Variants in NRXN3 observed in about 807,000 individuals in gnomAD.
NRXN3 encodes neurexin 3.
NRXN3 carries 32 observed loss-of-function variants against 137.6 expected under a neutral mutation model. The ratio of observed to expected loss-of-function variants is 0.23; its 90% CI spans 0.18 to 0.31. The LOEUF is 0.31. Ranked by LOEUF, NRXN3 falls within the 10% of genes least tolerant of loss-of-function variation. The pLI is 1.00. For synonymous variants in NRXN3, 798 were observed against 784.5 expected, an observed-to-expected ratio of 1.02 and a Z score of -0.29; for missense variants, 1,574 against 2,062.5, an observed-to-expected ratio of 0.76 and a Z score of 4.59.
intron 15 of NRXN3, among the ~76,000 whole-genome samples, chr14:79,320,099 A>G (rs1277430125): frequency 7.2e-5 from 11 of 152,350 alleles, no homozygotes; most frequent in Admixed American, 6.5e-4. Flanking sequence ...AGATTAAAAT[A>G]TAAAGTTCAT....
chr14:78,929,399 T>C (rs2099315342), intron 10 of NRXN3, among the ~76,000 whole-genome samples: 1 of 152,152 alleles, frequency 6.6e-6, no homozygotes, highest in South Asian at 2.1e-4. Flanking sequence ...GTTGTTCCCC[T>C]CTATTTATTC....
rs967748430 is a variant in NRXN3, at chr14:79,640,287, A to G, written c.3445-23491A>G. Among the ~76,000 whole-genome samples the G allele has an allele frequency of 2.9e-5, 4 of 135,598 alleles. 1 individual carries two copies. Among genetic ancestry groups the G allele is most frequent in the African/African-American group, 9.8e-5 (4 of 40,810 alleles). 89.0% of individuals were successfully genotyped at this position (135,598 alleles called of 152,430 possible). ...ATTGCTTGTATGTGGTTTTAAATGA[A>G]TGAAGCTGTTTCTATACAGCTATTT... On this transcript the variant is annotated intron_variant, in intron 16 of 20. Coordinates refer to ENST00000335750, the MANE Select transcript of NRXN3 (RefSeq NM_001330195.2).
chr14:79,764,562 C>T (rs1043648679), intron 19 of NRXN3, among the ~76,000 whole-genome samples: 1 of 152,158 alleles, frequency 6.6e-6, no homozygotes, highest in Non-Finnish European at 1.5e-5. Flanking sequence ...ACTGCAGCTA[C>T]ATTTAAGGTC....
intron 15 of NRXN3, among the ~76,000 whole-genome samples, chr14:79,049,524 C>A (rs1373477938): frequency 6.6e-6 from 1 of 152,192 alleles, no homozygotes; most frequent in Non-Finnish European, 1.5e-5. Context: ...ACATCAACTT[C>A]TTCCAAACTC....
At chr14:78,225,229 C>G (rs1197723721) in intron 1 of NRXN3, among the ~76,000 whole-genome samples, 12 of 152,174 alleles carry the variant, frequency 7.9e-5, no homozygotes, top group African/African-American at 2.6e-4. Flanking sequence ...GTGTAAAAGT[C>G]TTCCTATTTC....
In NRXN3 at chr14:79,818,800, C is replaced by CAATT. The variant is rs537448533; in HGVS notation, c.4093+13613_4093+13616dup. ...ATGAGTTATAAAGAACTAAAAATCA[C>CAATT]AATTAAAAAGGAAACATAATTTTAA... On this transcript the variant is annotated intron_variant, in intron 20 of 20. Transcript: ENST00000335750. Among the ~76,000 whole-genome samples the CAATT allele has an allele frequency of 4.6e-5, 7 of 152,258 alleles. No homozygotes were observed. The East Asian group carries it at 5.8e-4, about 13-fold the overall frequency.
intron 16 of NRXN3, among the ~76,000 whole-genome samples, chr14:79,589,342 A>G (rs1459675800): frequency 6.7e-6 from 1 of 150,352 alleles, no homozygotes; most frequent in Non-Finnish European, 1.5e-5. Flanking sequence ...CATTTACTCT[A>G]TTTTTTTTTG....
intron 15 of NRXN3, among the ~76,000 whole-genome samples, chr14:79,433,918 T>C (rs997534933): frequency 1.3e-5 from 2 of 152,182 alleles, no homozygotes; most frequent in African/African-American, 2.4e-5. Flanking sequence ...TCTTTCACAA[T>C]GCAAAAGTTG....
chr14:79,278,570 G>A (rs1329917781), intron 15 of NRXN3, among the ~76,000 whole-genome samples: 2 of 152,166 alleles, frequency 1.3e-5, no homozygotes, highest in Admixed American at 1.3e-4. Flanking sequence ...CCGGACAGGC[G>A]CCAGTCACTT....
intron 16 of NRXN3, among the ~76,000 whole-genome samples, chr14:79,627,305 G>A (rs1361648089): frequency 6.6e-5 from 10 of 152,244 alleles, no homozygotes; most frequent in Non-Finnish European, 1.0e-4. Context: ...CAGGGGAATG[G>A]GGGCATGGAC....
At chr14:79,364,305 C>A (rs775976409) in intron 15 of NRXN3, among the ~76,000 whole-genome samples, 2 of 152,180 alleles carry the variant, frequency 1.3e-5, no homozygotes, top group African/African-American at 4.8e-5. Flanking sequence ...CCCTGAGGGG[C>A]CACAGTAATG....
At chr14:79,196,509 T>C (rs1350107581) in intron 15 of NRXN3, among the ~76,000 whole-genome samples, 2 of 152,178 alleles carry the variant, frequency 1.3e-5, no homozygotes, top group African/African-American at 4.8e-5. Context: ...TAATCACCTT[T>C]TAAAGGTCCC....
chr14:79,729,198 ATTAACAAAG>A (rs2098911613), intron 19 of NRXN3, among the ~76,000 whole-genome samples: 1 of 152,224 alleles, frequency 6.6e-6, no homozygotes. Flanking sequence ...TGCAAAGTAG[ATTAACAAAG>A]TTGGCATTTA....
At chr14:79,373,595 T>A (rs2094175223) in intron 15 of NRXN3, among the ~76,000 whole-genome samples, 2 of 152,216 alleles carry the variant, frequency 1.3e-5, no homozygotes. Flanking sequence ...ATTCTTTCAA[T>A]AATATACGGT....
At chr14:79,216,524 A>G (rs2068527564) in intron 15 of NRXN3, among the ~76,000 whole-genome samples, 1 of 152,192 alleles carries the variant, frequency 6.6e-6, no homozygotes, top group South Asian at 2.1e-4. Flanking sequence ...TGAAAAATAT[A>G]CTTCTCTACA....
At chr14:78,551,433 T>A (rs2096687970) in intron 4 of NRXN3, among the ~76,000 whole-genome samples, 1 of 152,200 alleles carries the variant, frequency 6.6e-6, no homozygotes, top group African/African-American at 2.4e-5. Flanking sequence ...TAGACTATAC[T>A]GAACATTTAG....
intron 20 of NRXN3, chr14:79,854,197 A>C (rs1314857273): frequency 9.3e-6 from 9 of 966,916 alleles, no homozygotes; most frequent in Non-Finnish European, 1.1e-5. Flanking sequence ...ATGCCAAAAA[A>C]CATGCGGGCA....
At chr14:78,273,361 G>A (rs1450422128) in intron 2 of NRXN3, among the ~76,000 whole-genome samples, 2 of 152,204 alleles carry the variant, frequency 1.3e-5, no homozygotes, top group East Asian at 3.8e-4. Flanking sequence ...TTAGAACAGT[G>A]CCTAGCACAT....
At chr14:79,472,831 A>G (rs2096526785) in intron 16 of NRXN3, among the ~76,000 whole-genome samples, 1 of 152,178 alleles carries the variant, frequency 6.6e-6, no homozygotes, top group Non-Finnish European at 1.5e-5. Flanking sequence ...GATTGGCATG[A>G]AGTGCTTGTT....
Sources: gnomAD v4.1 joint callset for allele counts (sites outside exome capture counted in the v4.1 genomes callset) on GRCh38, gnomAD v4.1.1 for gene constraint, MANE v1.5 for transcripts, NCBI Gene and HGNC (gene_info 2026-07-23, HGNC 2026-07-21) for gene names.